The following ARID1B variants were observed in gnomAD, a reference collection of about 807,000 sequenced individuals.
ARID1B encodes the protein AT-rich interactive domain-containing protein 1B.
A neutral mutation model predicts 212.3 loss-of-function variants in ARID1B; 30 were observed. The ratio of observed to expected loss-of-function variants is 0.14; its 90% CI spans 0.11 to 0.19. The LOEUF is 0.19. ARID1B is among the 10% of genes least tolerant of loss of function. The probability of loss-of-function intolerance (pLI) is 1.00; values close to 1 mark genes in which losing one functional copy is unlikely to be tolerated. For synonymous variants in ARID1B, 1,402 were observed against 1,301.7 expected (o/e 1.08, Z -1.66); for missense variants, 2,891 against 3,204.0 (o/e 0.90, Z 2.36).
chr6:156,866,383 C>T (rs991807967), intron 2 of ARID1B, among the ~76,000 whole-genome samples: 7 of 152,146 alleles, frequency 4.6e-5, no homozygotes, highest in South Asian at 2.1e-4. Context: ...TGCCACCAAT[C>T]GCCGAGCCTT....
At position 157,161,400 on chromosome 6, in the gene ARID1B, C is replaced by T. The variant is rs368670145; in HGVS notation, c.3090-5640C>T. On this transcript the variant is annotated intron_variant, in intron 8 of 19. Transcript: ENST00000636930. ...ACACCAAAAATTGACCAGGGCTTGA[C>T]GGTCTTATTTTCTGTTTTGATTGTG... Among the ~76,000 whole-genome samples, 8 of 147,020 alleles carry T rather than the reference C, an allele frequency of 5.4e-5. No homozygotes were observed. In the East Asian group the frequency reaches 1.2e-3, roughly 21 times the overall value.
intron 8 of ARID1B, among the ~76,000 whole-genome samples, chr6:157,157,230 A>G (rs1562310939): frequency 6.6e-6 from 1 of 152,048 alleles, no homozygotes; most frequent in Non-Finnish European, 1.5e-5. Context: ...TTCCAGCTTC[A>G]TGGCTCTGTT....
chr6:156,871,666 T>A, intron 2 of ARID1B: 1 of 1,610,810 alleles, frequency 6.2e-7, no homozygotes, highest in Non-Finnish European at 8.5e-7. Flanking sequence ...AGTATCTTCT[T>A]ACATGCTCTT....
At chr6:157,160,651 GTCTTC>G in intron 8 of ARID1B, among the ~76,000 whole-genome samples, 1 of 152,266 alleles carries the variant, frequency 6.6e-6, no homozygotes, top group Admixed American at 6.5e-5. Flanking sequence ...AACCCCAAGT[GTCTTC>G]CTGTTTCTCT....
At chr6:156,822,413 G>A (rs557852601) in intron 1 of ARID1B, among the ~76,000 whole-genome samples, 1 of 152,356 alleles carries the variant, frequency 6.6e-6, no homozygotes, top group African/African-American at 2.4e-5. Flanking sequence ...AGATGGGACT[G>A]TGGACCCGAG....
chr6:157,120,095 T>G (rs1371212085), intron 6 of ARID1B, among the ~76,000 whole-genome samples: 3 of 152,210 alleles, frequency 2.0e-5, no homozygotes, highest in African/African-American at 7.2e-5. Flanking sequence ...TCGAAAGCCT[T>G]AAAAAGTAGT....
intron 4 of ARID1B, among the ~76,000 whole-genome samples, chr6:157,009,982 A>G (rs1267039163): frequency 6.6e-6 from 1 of 152,224 alleles, no homozygotes; most frequent in African/African-American, 2.4e-5. Flanking sequence ...TCTGCTCTTT[A>G]TGAAGCAATT....
intron 4 of ARID1B, among the ~76,000 whole-genome samples, chr6:157,045,807 T>C (rs771600864): frequency 1.3e-5 from 2 of 152,204 alleles, no homozygotes; most frequent in Non-Finnish European, 2.9e-5. Context: ...ACCAAGTTTA[T>C]TCCATACTGT....
chr6:157,095,355 T>C (rs1289315032), intron 5 of ARID1B, among the ~76,000 whole-genome samples: 3 of 152,228 alleles, frequency 2.0e-5, no homozygotes, highest in South Asian at 2.1e-4. Flanking sequence ...CAGTACTTTC[T>C]TAAAGCTCTC....
intron 4 of ARID1B, among the ~76,000 whole-genome samples, chr6:157,065,899 A>C (rs571244709): frequency 5.3e-5 from 8 of 152,322 alleles, no homozygotes; most frequent in African/African-American, 1.7e-4. Flanking sequence ...TTAAATGTAC[A>C]ACTTGATACA....
Position 156,829,377 on chromosome 6 carries a change from C to G in ARID1B, c.1942C>G (p.Arg648Gly), listed in dbSNP as rs143370913. The G allele has an allele frequency of 6.2e-7, 1 of 1,614,170 alleles. No individual in the cohort carries two copies. Among genetic ancestry groups the G allele is most frequent in the Non-Finnish European group, 8.5e-7 (1 of 1,180,032 alleles). ...GCGGTATCCAATTGGCATCCAGGGTCGGACTCCCGGGGCCATGGCCGGAAT... is the reference window on the plus strand; with the variant it reads ...GCGGTATCCAATTGGCATCCAGGGTGGGACTCCCGGGGCCATGGCCGGAAT... ...PQRYPIGIQG[R>G]TPGAMAGMQY... Residue 648 changes from arginine to glycine, a missense_variant, in exon 2 of 20, where the codon CGG becomes GGG. By Grantham distance (125) the Arg-to-Gly change is moderately radical. Transcript: ENST00000636930.
chr6:157,145,682 A>G (rs967473471), intron 7 of ARID1B, among the ~76,000 whole-genome samples: 3 of 152,182 alleles, frequency 2.0e-5, no homozygotes, highest in Non-Finnish European at 4.4e-5. Context: ...TTTTTCTTAA[A>G]TATTTGAGAG....
chr6:156,977,842 A>G lies in ARID1B; in HGVS notation c.2247+42266A>G, dbSNP rs540435055. Among the ~76,000 whole-genome samples the G allele has an allele frequency of 1.1e-3, 171 of 152,308 alleles. 3 individuals carry two copies. Among genetic ancestry groups the G allele is most frequent in the Non-Finnish European group, 3.2e-4 (22 of 68,018 alleles). On this transcript the variant is annotated intron_variant, in intron 4 of 19. Transcript: ENST00000636930. ...CTGGGACCCAGGCATATTACTTGGA[A>G]ACAGCTTGATCCTTTTGGGTCTTAC...
chr6:157,060,263 A>G (rs1342210998), intron 4 of ARID1B, among the ~76,000 whole-genome samples: 2 of 152,234 alleles, frequency 1.3e-5, no homozygotes, highest in Non-Finnish European at 2.9e-5. Context: ...TTCAGAAACC[A>G]ATACGATGGT....
At chr6:157,029,742 G>A (rs940837770) in intron 4 of ARID1B, among the ~76,000 whole-genome samples, 8 of 152,168 alleles carry the variant, frequency 5.3e-5, no homozygotes, top group Non-Finnish European at 1.0e-4. Context: ...CCAGTGCAGC[G>A]GGAACATTGT....
intron 6 of ARID1B, among the ~76,000 whole-genome samples, chr6:157,129,596 T>G (rs1788390465): frequency 6.6e-6 from 1 of 152,222 alleles, no homozygotes; most frequent in South Asian, 2.1e-4. Flanking sequence ...CAGTTGAACT[T>G]TGTCCCTAAG....
chr6:156,931,161 A>T (rs1164225164), intron 3 of ARID1B, among the ~76,000 whole-genome samples: 1 of 145,824 alleles, frequency 6.9e-6, no homozygotes, highest in East Asian at 2.0e-4. Flanking sequence ...ACTGCACTAC[A>T]GCCTGGACTA....
intron 7 of ARID1B, among the ~76,000 whole-genome samples, chr6:157,137,357 T>C (rs1312031912): frequency 2.6e-5 from 4 of 152,156 alleles, no homozygotes; most frequent in Non-Finnish European, 5.9e-5. Flanking sequence ...CAAGCACATG[T>C]AATAATAACT....
chr6:156,798,148 T>G (rs1350247056), intron 1 of ARID1B, among the ~76,000 whole-genome samples: 1 of 152,248 alleles, frequency 6.6e-6, no homozygotes, highest in Non-Finnish European at 1.5e-5. Flanking sequence ...TGTGTTGTTC[T>G]TTTGCTGGAA....
Sources: gnomAD v4.1 joint callset for allele counts (sites outside exome capture counted in the v4.1 genomes callset) on GRCh38, gnomAD v4.1.1 for gene constraint, MANE v1.5 for transcripts, NCBI Gene and HGNC (gene_info 2026-07-23, HGNC 2026-07-21) for gene names.